The following TMEM217B variants were observed in gnomAD, a reference collection of about 807,000 sequenced individuals.
TMEM217B encodes the protein putative transmembrane protein 217B.
chr6:37,248,408 A>G, the TMEM217B span, among the ~76,000 whole-genome samples: 1 of 152,302 alleles, frequency 6.6e-6, no homozygotes, highest in Admixed American at 6.5e-5. Context: ...AGGCAAAATC[A>G]TATGTTTTTA....
At chr6:37,228,996 CA>C in the TMEM217B span, among the ~76,000 whole-genome samples, 3 of 135,002 alleles carry the variant, frequency 2.2e-5, no homozygotes, top group Non-Finnish European at 3.2e-5. Flanking sequence ...GACTCCGTCT[CA>C]AAAAAAAAAC....
chr6:37,223,726 C>T, the TMEM217B span, among the ~76,000 whole-genome samples: 1 of 152,284 alleles, frequency 6.6e-6, no homozygotes, highest in East Asian at 1.9e-4. Flanking sequence ...TCAGGCTGCT[C>T]TCAAACTCCT....
the TMEM217B span, among the ~76,000 whole-genome samples, chr6:37,229,503 C>T: frequency 3.3e-5 from 5 of 151,900 alleles, no homozygotes; most frequent in South Asian, 6.2e-4. Context: ...CCACCACGCC[C>T]GGCTAATTTT....
the TMEM217B span, among the ~76,000 whole-genome samples, chr6:37,223,920 C>CAG: frequency 6.6e-6 from 1 of 150,450 alleles, no homozygotes; most frequent in Non-Finnish European, 1.5e-5. Context: ...CTGAGCTCAA[C>CAG]AGAGCCTCCT....
the TMEM217B span, among the ~76,000 whole-genome samples, chr6:37,254,513 G>A: frequency 2.6e-5 from 4 of 152,174 alleles, no homozygotes; most frequent in African/African-American, 9.7e-5. Flanking sequence ...CTTTCTCAGA[G>A]AAGACTGTTC....
At chr6:37,236,551 G>A in the TMEM217B span, among the ~76,000 whole-genome samples, 6 of 152,144 alleles carry the variant, frequency 3.9e-5, no homozygotes, top group South Asian at 2.1e-4. Flanking sequence ...GTTGAGATCC[G>A]CAAATTTGCA....
At chr6:37,218,256 A>G in the TMEM217B span, 1 of 1,266,072 alleles carries the variant, frequency 7.9e-7, no homozygotes, top group South Asian at 1.7e-5. Flanking sequence ...TGCAACCTCC[A>G]CCTCCCAGGT....
chr6:37,234,771 A>G, the TMEM217B span, among the ~76,000 whole-genome samples: 2 of 152,116 alleles, frequency 1.3e-5, no homozygotes, highest in Non-Finnish European at 1.5e-5. Flanking sequence ...CGGTATACAC[A>G]TGTAATTTTG....
At chr6:37,241,101 T>C in the TMEM217B span, among the ~76,000 whole-genome samples, 84 of 145,306 alleles carry the variant, frequency 5.8e-4, no homozygotes, top group African/African-American at 2.0e-3. Flanking sequence ...GTATTACTCT[T>C]TTTTTTTTTT....
At chr6:37,245,804 CTT>C in the TMEM217B span, among the ~76,000 whole-genome samples, 123,396 of 143,550 alleles carry the variant, frequency 0.86, 52,475 homozygotes, top group Middle Eastern at 0.93. Context: ...TTCTTTCTTT[CTT>C]TTTTTTTTTT....
the TMEM217B span, among the ~76,000 whole-genome samples, chr6:37,239,965 G>C: frequency 4.6e-5 from 7 of 151,880 alleles, no homozygotes; most frequent in Non-Finnish European, 1.0e-4. Flanking sequence ...TAAACAACTA[G>C]AAATTTATTT....
the TMEM217B span, among the ~76,000 whole-genome samples, chr6:37,252,454 T>C: frequency 1.3e-5 from 2 of 151,746 alleles, no homozygotes; most frequent in Admixed American, 6.6e-5. Context: ...CTGGTTGACA[T>C]ACATACATAC....
the TMEM217B span, among the ~76,000 whole-genome samples, chr6:37,251,702 T>C: frequency 6.6e-6 from 1 of 152,246 alleles, no homozygotes; most frequent in African/African-American, 2.4e-5. Flanking sequence ...TGGTTTCCAC[T>C]GGAGAGACGG....
At chr6:37,218,830 G>A in the TMEM217B span, 4 of 1,614,078 alleles carry the variant, frequency 2.5e-6, no homozygotes, top group African/African-American at 1.3e-5. Flanking sequence ...GGAAGAGGAC[G>A]ATTTTAAAAC....
chr6:37,233,850 T>C, the TMEM217B span, among the ~76,000 whole-genome samples: 1 of 152,226 alleles, frequency 6.6e-6, no homozygotes, highest in Non-Finnish European at 1.5e-5. Context: ...TTTTCCACTT[T>C]ACAATGGTGC....
chr6:37,220,319 A>G, the TMEM217B span, among the ~76,000 whole-genome samples: 2 of 152,364 alleles, frequency 1.3e-5, no homozygotes, highest in African/African-American at 4.8e-5. Context: ...TTATGACAGC[A>G]ATGCAGGGTA....
At chr6:37,231,541 C>T in the TMEM217B span, among the ~76,000 whole-genome samples, 2 of 150,100 alleles carry the variant, frequency 1.3e-5, no homozygotes, top group Non-Finnish European at 3.0e-5. Flanking sequence ...GTCATGGTGG[C>T]GTGCACCTGT....
chr6:37,246,194 G>GTAATCAGCTTT, the TMEM217B span, among the ~76,000 whole-genome samples: 1 of 152,288 alleles, frequency 6.6e-6, no homozygotes, highest in East Asian at 1.9e-4. Context: ...CTCTCCTGCA[G>GTAATCAGCTTT]TAATCAGCTT....
At chr6:37,239,595 C>A in the TMEM217B span, among the ~76,000 whole-genome samples, 1 of 152,048 alleles carries the variant, frequency 6.6e-6, no homozygotes, top group African/African-American at 2.4e-5. Context: ...GATAATGATG[C>A]ATTTTGCAGT....
Sources: allele counts gnomAD v4.1 joint callset (sites outside exome capture counted in the v4.1 genomes callset), GRCh38; gene constraint gnomAD v4.1.1; transcripts MANE v1.5; gene names NCBI Gene and HGNC (gene_info 2026-07-23, HGNC 2026-07-21).